The following NTM variants were observed in gnomAD, a reference collection of about 807,000 sequenced individuals.
NTM encodes the protein neurotrimin, also known as IgLON family member 2.
In NTM, 13 loss-of-function variants were observed where a neutral mutation model predicts 42.1. That is an observed-to-expected ratio of 0.31 (90% confidence interval 0.20 to 0.49). The LOEUF (loss-of-function observed/expected upper bound fraction) is 0.49. Ranked by LOEUF, NTM falls within the 20% of genes least tolerant of loss-of-function variation. The pLI is 0.99. For missense variants in NTM, 373 were observed against 452.8 expected, an observed-to-expected ratio of 0.82 and a Z score of 1.60; for synonymous variants, 187 against 179.2, an observed-to-expected ratio of 1.04 and a Z score of -0.35.
At chr11:132,315,024 T>C (rs2095391073) in intron 7 of NTM, 1 of 1,112,238 alleles carries the variant, frequency 9.0e-7, no homozygotes, top group Non-Finnish European at 1.1e-6. Context: ...CATTCTATAA[T>C]GGAAAAGATC....
chr11:131,449,163 T>C (rs1177723931), intron 1 of NTM, among the ~76,000 whole-genome samples: 1 of 152,184 alleles, frequency 6.6e-6, no homozygotes, highest in Non-Finnish European at 1.5e-5. Context: ...ATTTTTCTTC[T>C]CATCAGCACG....
rs551162248 is a variant in NTM, at chr11:131,916,376, G to A, written c.167+4728G>A. ...AGCTAGTAAAGTGCATTCTTTCCTG[G>A]GGATCACTTGGCAGGTGGGTATCAG... On this transcript the variant is annotated intron_variant, in intron 2 of 8. Transcript: ENST00000683400. Among the ~76,000 whole-genome samples, 3 of 152,284 alleles carry A rather than the reference G, an allele frequency of 2.0e-5. No homozygotes were observed. In the East Asian group the frequency reaches 5.8e-4, roughly 29 times the overall value.
At chr11:132,237,822 G>T (rs1284619875) in intron 4 of NTM, among the ~76,000 whole-genome samples, 1 of 152,184 alleles carries the variant, frequency 6.6e-6, no homozygotes, top group Non-Finnish European at 1.5e-5. Flanking sequence ...CCAGTCCCAG[G>T]CCTCGGCTCC....
intron 1 of NTM, among the ~76,000 whole-genome samples, chr11:131,847,717 T>C (rs994865931): frequency 6.8e-6 from 1 of 148,008 alleles, no homozygotes; most frequent in African/African-American, 2.5e-5. Context: ...AGTAGGGAAA[T>C]ACCAAAAAAA....
intron 1 of NTM, chr11:131,605,872 C>T: frequency 4.1e-6 from 4 of 983,590 alleles, no homozygotes; most frequent in Non-Finnish European, 4.8e-6. Flanking sequence ...CCTGAGGCAG[C>T]TTCACCACCC....
At chr11:131,432,830 T>C (rs1480357849) in intron 1 of NTM, among the ~76,000 whole-genome samples, 1 of 139,562 alleles carries the variant, frequency 7.2e-6, no homozygotes, top group Non-Finnish European at 1.5e-5. Context: ...AAGATGAAGA[T>C]TTAGCATTCT....
At chr11:132,203,390 A>C (rs1236519098) in intron 3 of NTM, among the ~76,000 whole-genome samples, 1 of 152,176 alleles carries the variant, frequency 6.6e-6, no homozygotes, top group Non-Finnish European at 1.5e-5. Context: ...TGAGGAGAAA[A>C]GATAGGTGTT....
chr11:131,404,223 C>T (rs745502003), intron 1 of NTM, among the ~76,000 whole-genome samples: 2 of 152,136 alleles, frequency 1.3e-5, no homozygotes, highest in Admixed American at 6.6e-5. Context: ...GTCCACACCA[C>T]CCCACTAAAG....
intron 2 of NTM, among the ~76,000 whole-genome samples, chr11:132,028,192 C>T (rs1390025057): frequency 6.6e-6 from 1 of 151,374 alleles, no homozygotes; most frequent in Non-Finnish European, 1.5e-5. Context: ...ATAATTCCAA[C>T]ATCTCTGCGA....
chr11:132,273,789 C>T (rs1041671076), intron 4 of NTM, among the ~76,000 whole-genome samples: 1 of 151,998 alleles, frequency 6.6e-6, no homozygotes, highest in Non-Finnish European at 1.5e-5. Context: ...TGCCTGTAAT[C>T]CCAGCTACTT....
intron 4 of NTM, among the ~76,000 whole-genome samples, chr11:132,231,643 T>A (rs2087579848): frequency 6.6e-6 from 1 of 152,326 alleles, no homozygotes; most frequent in Non-Finnish European, 1.5e-5. Context: ...GATGGTCCAG[T>A]CTTGAACTGT....
intron 3 of NTM, among the ~76,000 whole-genome samples, chr11:132,195,434 T>A (rs2080028033): frequency 6.7e-6 from 1 of 149,600 alleles, no homozygotes; most frequent in Non-Finnish European, 1.5e-5. Flanking sequence ...TTCACAAAAT[T>A]AGAAAATAAA....
At chr11:132,135,138 G>A (rs972883905) in intron 2 of NTM, among the ~76,000 whole-genome samples, 5 of 152,140 alleles carry the variant, frequency 3.3e-5, no homozygotes, top group Non-Finnish European at 4.4e-5. Flanking sequence ...CCAGGAGACA[G>A]AAATGTTCTT....
intron 2 of NTM, among the ~76,000 whole-genome samples, chr11:131,976,571 T>G (rs147256158): frequency 1.1e-4 from 16 of 152,226 alleles, no homozygotes; most frequent in African/African-American, 3.9e-4. Context: ...AGAAGAATGT[T>G]TCAGTGTCAG....
chr11:131,476,808 C>G (rs1400548672), intron 1 of NTM, among the ~76,000 whole-genome samples: 1 of 139,170 alleles, frequency 7.2e-6, no homozygotes, highest in Non-Finnish European at 1.6e-5. Context: ...CGGAAAAGCT[C>G]TCTAATCTTT....
At chr11:131,500,577 ATTT>A (rs71475759) in intron 1 of NTM, among the ~76,000 whole-genome samples, 2,962 of 76,098 alleles carry the variant, frequency 0.039, 55 homozygotes, top group African/African-American at 0.05. Context: ...ATATATATAT[ATTT>A]TTTTTTTTTT....
intron 1 of NTM, among the ~76,000 whole-genome samples, chr11:131,853,025 G>GCACCCATC: frequency 6.8e-6 from 1 of 147,506 alleles, no homozygotes; most frequent in Admixed American, 6.8e-5. Context: ...ATTCTCCCAC[G>GCACCCATC]CACCCATCCA....
At chr11:131,954,605 C>T (rs625676) in intron 2 of NTM, among the ~76,000 whole-genome samples, 108,340 of 152,056 alleles carry the variant, frequency 0.71, 38,928 homozygotes, top group East Asian at 0.95. Context: ...ACAAAGTGTA[C>T]ACTCAATCAA....
chr11:131,843,912 C>G (rs7128757), intron 1 of NTM, among the ~76,000 whole-genome samples: 17,769 of 151,376 alleles, frequency 0.12, 1,131 homozygotes, highest in African/African-American at 0.15. Context: ...TTCACATTTT[C>G]GATATGAATT....
Sources: allele counts gnomAD v4.1 joint callset (sites outside exome capture counted in the v4.1 genomes callset), GRCh38; gene constraint gnomAD v4.1.1; transcripts MANE v1.5; gene names NCBI Gene and HGNC (gene_info 2026-07-23, HGNC 2026-07-21).